Variants in MAP6 observed in about 807,000 individuals in gnomAD.
MAP6 encodes the protein microtubule-associated protein 6.
Under a neutral mutation model 42.4 loss-of-function variants are expected in MAP6, and 26 were observed. The ratio of observed to expected loss-of-function variants is 0.61; its 90% confidence interval spans 0.45 to 0.85. The LOEUF (loss-of-function observed/expected upper bound fraction) is 0.85. Among genes scored for constraint, MAP6 ranks in the 40% least tolerant of loss-of-function variants. MAP6 has a pLI of 0.00. For synonymous variants in MAP6, 418 were observed against 443.8 expected, an observed-to-expected ratio of 0.94 and a Z score of 0.73; for missense variants, 966 against 1,099.0, an observed-to-expected ratio of 0.88 and a Z score of 1.71.
chr11:75,605,356 G>C lies in MAP6; in HGVS notation c.1316+452C>G, dbSNP rs1267311998. 5.1e-6 allele frequency: 5 copies of C among 986,756 alleles called. No individual in the cohort carries two copies. The African/African-American group carries it at 8.7e-5, about 17-fold the overall frequency. The allele number at this position is 986,756 out of a possible 1,614,324, so 61.1% of individuals were successfully genotyped here. On this transcript the variant is annotated intron_variant, in intron 3 of 3. Transcript: ENST00000304771. ...TGTCAATTGCTGAAGCCCAGGCTGA[G>C]CTTCTGTGGCACATGACGATTCTCT...
intron 2 of MAP6, chr11:75,607,369 TG>T: frequency 1.0e-6 from 1 of 985,308 alleles, no homozygotes; most frequent in Non-Finnish European, 1.2e-6. Flanking sequence ...TACAATTCCA[TG>T]GGGCCTGACA....
At chr11:75,628,942 C>A (rs896912994) in intron 1 of MAP6, among the ~76,000 whole-genome samples, 1 of 152,106 alleles carries the variant, frequency 6.6e-6, no homozygotes, top group Admixed American at 6.5e-5. Flanking sequence ...TCAAATTAAC[C>A]CTGCAAGATA....
chr11:75,591,794 C>A (rs1030168705), intron 3 of MAP6, among the ~76,000 whole-genome samples: 2 of 152,214 alleles, frequency 1.3e-5, no homozygotes, highest in African/African-American at 4.8e-5. Context: ...AGGTCTTGGG[C>A]AATTGTTTAA....
At position 75,592,021 on chromosome 11, in the gene MAP6, C is replaced by T. The variant is rs1223747587; in HGVS notation, c.1317-3837G>A. ...GCGTCTGTTGCCTTATGTCATTCAACCCTCACAGCAGTCCTGGGGGAACCC... is the reference window on the plus strand; with the variant it reads ...GCGTCTGTTGCCTTATGTCATTCAATCCTCACAGCAGTCCTGGGGGAACCC... On this transcript the variant is annotated intron_variant, in intron 3 of 3. Transcript: ENST00000304771. Among the ~76,000 whole-genome samples the T allele has an allele frequency of 2.0e-5, 3 of 152,230 alleles. No individual in the cohort carries two copies. The East Asian group carries it at 5.8e-4, about 29-fold the overall frequency.
At position 75,661,504 on chromosome 11, in the gene MAP6, T is replaced by A. The variant is rs571410371; in HGVS notation, c.905+5961A>T. Among the ~76,000 whole-genome samples, 10 of 152,182 alleles carry A rather than the reference T, an allele frequency of 6.6e-5. No homozygotes were observed. In the East Asian group the frequency reaches 1.9e-3, roughly 29 times the overall value. ...AATATATTTTTATCTAAACAAGATT[T>A]ATCCCAGAAATGCAAAGATGGTTCA... On this transcript the variant is annotated intron_variant, in intron 1 of 3. Transcript: ENST00000304771.
At chr11:75,635,186 G>A (rs1943348692) in intron 1 of MAP6, among the ~76,000 whole-genome samples, 1 of 152,192 alleles carries the variant, frequency 6.6e-6, no homozygotes, top group Admixed American at 6.5e-5. Context: ...CAGCCTGCCT[G>A]GGATATAAAG....
At chr11:75,635,584 A>T (rs1943355201) in intron 1 of MAP6, among the ~76,000 whole-genome samples, 1 of 152,256 alleles carries the variant, frequency 6.6e-6, no homozygotes, top group Admixed American at 6.5e-5. Flanking sequence ...TGAGGTAAAA[A>T]TAGAAACTCA....
chr11:75,634,526 C>T (rs1943336901), intron 1 of MAP6, among the ~76,000 whole-genome samples: 1 of 152,200 alleles, frequency 6.6e-6, no homozygotes. Flanking sequence ...ACCTCAGCCT[C>T]CCAAAGTGCT....
chr11:75,668,084 C>G lies in MAP6; in HGVS notation c.286G>C (p.Ala96Pro). ...GGCCCGCTCCGGCCGGGGCCCGCCG[C>G]CGGCTCGCGCTCGCCGGTAGGCCCA... ...APGPTGEREPAAGPGRSGPGP... is the reference protein window; with the variant it reads ...APGPTGEREPPAGPGRSGPGP... The change falls in exon 1 of 4, where the codon GCG becomes CCG. Residue 96 changes from alanine to proline, a missense_variant. Ala to Pro is a conservative substitution (Grantham distance 27). Around this residue, in one of 2 missense-constraint regions of MAP6, gnomAD observed 943 missense variants for 1,049.9 expected, o/e 0.90. Coordinates refer to ENST00000304771, the MANE Select transcript of MAP6 (RefSeq NM_033063.2). The G allele has an allele frequency of 8.2e-7, 1 of 1,216,432 alleles. No homozygotes were observed. Among genetic ancestry groups the G allele is most frequent in the Non-Finnish European group, 1.0e-6 (1 of 981,072 alleles). The allele number at this position is 1,216,432 out of a possible 1,614,324, so 75.4% of individuals were successfully genotyped here.
In MAP6 at chr11:75,605,795, C is replaced by T. The variant is rs933492465; in HGVS notation, c.1316+13G>A. 1 of 1,613,086 alleles carries T rather than the reference C, an allele frequency of 6.2e-7. No homozygotes were observed. The highest frequency in any genetic ancestry group is 8.5e-7 in the Non-Finnish European group (1 of 1,179,562). On this transcript the variant is annotated intron_variant, in intron 3 of 3. Coordinates refer to ENST00000304771, the MANE Select transcript of MAP6 (RefSeq NM_033063.2). ...GAGAGAGAAGAGTAAAAGGAAAGTGCAGGGAAATTTACTCTTTCGCCTCAG... is the reference window on the plus strand; with the variant it reads ...GAGAGAGAAGAGTAAAAGGAAAGTGTAGGGAAATTTACTCTTTCGCCTCAG...
chr11:75,635,388 G>C (rs1943352275), intron 1 of MAP6, among the ~76,000 whole-genome samples: 1 of 152,214 alleles, frequency 6.6e-6, no homozygotes, highest in South Asian at 2.1e-4. Context: ...GTGGCATCTG[G>C]TGCTTACAAA....
intron 3 of MAP6, among the ~76,000 whole-genome samples, chr11:75,590,471 A>T (rs1942457687): frequency 6.6e-6 from 1 of 152,188 alleles, no homozygotes; most frequent in South Asian, 2.1e-4. Context: ...GGATATCTAC[A>T]GCATTGGCTC....
At chr11:75,612,590 TG>T (rs1387665878) in intron 1 of MAP6, among the ~76,000 whole-genome samples, 7 of 152,096 alleles carry the variant, frequency 4.6e-5, no homozygotes, top group African/African-American at 1.4e-4. Flanking sequence ...CTGCTCAGGG[TG>T]CAGGCTGGGG....
At chr11:75,661,747 C>A (rs750728853) in intron 1 of MAP6, among the ~76,000 whole-genome samples, 35 of 152,048 alleles carry the variant, frequency 2.3e-4, no homozygotes, top group South Asian at 4.1e-4. Context: ...ACTTTAGAAA[C>A]TTTCCCACAT....
At chr11:75,604,053 A>C in intron 3 of MAP6, 1 of 985,846 alleles carries the variant, frequency 1.0e-6, no homozygotes, top group Non-Finnish European at 1.2e-6. Context: ...AGCTTTCAAA[A>C]TCTGTGACTC....
At chr11:75,621,937 C>T (rs961379376) in intron 1 of MAP6, among the ~76,000 whole-genome samples, 1 of 151,898 alleles carries the variant, frequency 6.6e-6, no homozygotes, top group East Asian at 1.9e-4. Flanking sequence ...GCAGGAGAAT[C>T]GCTTGAACCC....
Position 75,667,328 on chromosome 11 carries a change from G to A in MAP6, c.905+137C>T, listed in dbSNP as rs751953152. On this transcript the variant is annotated intron_variant, in intron 1 of 3. Coordinates refer to ENST00000304771, the MANE Select transcript of MAP6 (RefSeq NM_033063.2). The surrounding 1 kb of genome is among the most constrained non-coding windows in gnomAD (Gnocchi z 5.6). ...GCTTCGACAGGAGGTGGCCTGGGAG[G>A]CGGCTGGGGAGAGGGTGTGGCCTGG... 5.3e-6 allele frequency: 4 copies of A among 760,024 alleles called. No homozygotes were observed. Among genetic ancestry groups the A allele is most frequent in the Admixed American group, 4.3e-5 (1 of 23,496 alleles). 47.1% of individuals were successfully genotyped at this position (760,024 alleles called of 1,614,324 possible).
chr11:75,608,184 T>G lies in MAP6; in HGVS notation c.1044A>C (p.Thr348=), dbSNP rs1457868454. The change falls in exon 2 of 4, where the codon ACA becomes ACC. Residue 348 remains threonine, a synonymous_variant. Transcript: ENST00000304771. ...GATCAATGACCTTATTGTCAGCTGT[T>G]GTTGGCTTGCTGGCCTCTCCTTTGA... ...AQFKGEASKP[T]TADNKVIDRR... is the part of the protein sequence containing the mutation. The G allele has an allele frequency of 1.2e-6, 2 of 1,614,110 alleles. No individual in the cohort carries two copies. Among genetic ancestry groups the G allele is most frequent in the Non-Finnish European group, 1.7e-6 (2 of 1,180,046 alleles).
intron 1 of MAP6, among the ~76,000 whole-genome samples, chr11:75,660,120 C>T (rs1943817761): frequency 6.6e-6 from 1 of 152,150 alleles, no homozygotes. Context: ...CTCCTCACAT[C>T]ACTCCTCCTT....
Sources: gnomAD v4.1 joint callset for allele counts (sites outside exome capture counted in the v4.1 genomes callset) on GRCh38, gnomAD v4.1.1 for gene constraint, gnomAD v4.1.1 regional missense constraint, Gnocchi (gnomAD v3.1) non-coding constraint, MANE v1.5 for transcripts, NCBI Gene and HGNC (gene_info 2026-07-23, HGNC 2026-07-21) for gene names.